CCSER1: variants seen among roughly 807,000 people sequenced by gnomAD.
CCSER1 encodes coiled-coil serine rich protein 1.
CCSER1 carries 41 observed loss-of-function variants against 82.0 expected under a neutral mutation model. That is an observed-to-expected ratio of 0.50 (90% CI 0.39 to 0.65). CCSER1 has a LOEUF of 0.65. Ranked by LOEUF, CCSER1 falls within the 30% of genes least tolerant of loss-of-function variation. CCSER1 has a pLI of 0.00. For missense variants in CCSER1, 1,119 were observed against 1,064.2 expected (o/e 1.05, Z -0.72); for synonymous variants, 414 against 383.9 (o/e 1.08, Z -0.92).
intron 8 of CCSER1, among the ~76,000 whole-genome samples, chr4:90,884,343 G>A (rs1251209976): frequency 6.6e-6 from 1 of 152,082 alleles, no homozygotes; most frequent in Admixed American, 6.5e-5. Context: ...CCATTTAGGG[G>A]CAACAGGAAG....
At chr4:90,168,303 C>T (rs971508298) in intron 1 of CCSER1, among the ~76,000 whole-genome samples, 6 of 151,946 alleles carry the variant, frequency 3.9e-5, no homozygotes, top group Admixed American at 3.9e-4. Context: ...ATATCCTTTG[C>T]CCACTTTTTG....
chr4:90,394,404 G>A lies in CCSER1; in HGVS notation c.1510-5632G>A, dbSNP rs138766304. On this transcript the variant is annotated intron_variant, in intron 3 of 10. Transcript: ENST00000509176. ...AATGCCTCTTGATATCAAGTCATTT[G>A]GGAGATTACATGAGTAGTCAGTATG... Among the ~76,000 whole-genome samples the A allele has an allele frequency of 1.4e-3, 218 of 152,162 alleles. 1 individual carries two copies. Among genetic ancestry groups the A allele is most frequent in the African/African-American group, 5.1e-3 (211 of 41,516 alleles).
At chr4:90,277,318 C>T (rs988136235) in intron 1 of CCSER1, among the ~76,000 whole-genome samples, 55 of 152,112 alleles carry the variant, frequency 3.6e-4, no homozygotes, top group African/African-American at 1.2e-3. Flanking sequence ...TTCTGAAATT[C>T]ACATGAAGTT....
At chr4:90,256,192 A>G (rs769217064) in intron 1 of CCSER1, among the ~76,000 whole-genome samples, 38 of 152,270 alleles carry the variant, frequency 2.5e-4, no homozygotes, top group Middle Eastern at 6.8e-3. Flanking sequence ...GGAGGAGCCA[A>G]TTCCTATAGT....
chr4:90,455,924 T>C (rs950647770), intron 4 of CCSER1, among the ~76,000 whole-genome samples: 2 of 152,152 alleles, frequency 1.3e-5, no homozygotes, highest in East Asian at 3.9e-4. Flanking sequence ...TTTTTCTTTC[T>C]AGGGCCTCAA....
chr4:91,010,882 T>G (rs572241678), intron 9 of CCSER1, among the ~76,000 whole-genome samples: 5 of 134,930 alleles, frequency 3.7e-5, no homozygotes, highest in African/African-American at 7.4e-5. Context: ...CTTAAGATCA[T>G]GATTTTGAAT....
chr4:91,309,198 C>T (rs746440869), intron 10 of CCSER1, among the ~76,000 whole-genome samples: 3 of 152,054 alleles, frequency 2.0e-5, no homozygotes, highest in Non-Finnish European at 4.4e-5. Context: ...TTTACAACCA[C>T]CTGTCCAGAC....
chr4:90,727,132 C>T (rs1026331151), intron 7 of CCSER1: 1 of 417,924 alleles, frequency 2.4e-6, no homozygotes, highest in Non-Finnish European at 4.7e-6. Context: ...CCTTTATAAA[C>T]TATTGTTATG....
At chr4:90,203,670 A>C (rs1169808075) in intron 1 of CCSER1, among the ~76,000 whole-genome samples, 1 of 152,174 alleles carries the variant, frequency 6.6e-6, no homozygotes, top group Admixed American at 6.5e-5. Context: ...GTGCATGTGT[A>C]TGTATAGTAG....
chr4:90,727,020 C>G (rs1322446416), intron 7 of CCSER1, among the ~76,000 whole-genome samples: 1 of 152,146 alleles, frequency 6.6e-6, no homozygotes. Flanking sequence ...ATATACTACA[C>G]ATAATAAACT....
chr4:90,282,307 C>T (rs1054755097), intron 1 of CCSER1, among the ~76,000 whole-genome samples: 3 of 151,806 alleles, frequency 2.0e-5, no homozygotes, highest in Non-Finnish European at 4.4e-5. Context: ...ACATCATATA[C>T]CATGTTATTT....
At chr4:90,682,147 G>T (rs1733999925) in intron 6 of CCSER1, among the ~76,000 whole-genome samples, 1 of 151,472 alleles carries the variant, frequency 6.6e-6, no homozygotes, top group African/African-American at 2.4e-5. Context: ...CATGGTGTAG[G>T]TAAATCATCT....
chr4:91,321,066 T>C (rs533775583), intron 10 of CCSER1, among the ~76,000 whole-genome samples: 1 of 152,230 alleles, frequency 6.6e-6, no homozygotes, highest in South Asian at 2.1e-4. Flanking sequence ...AACTTCTTCC[T>C]GTTATTTTAT....
rs1286549166 is a variant in CCSER1 at position 90,196,826 on chromosome 4, CA to C, written c.-42+68997del. Among the ~76,000 whole-genome samples the C allele has an allele frequency of 4.6e-5, 7 of 152,150 alleles. No homozygotes were observed. The South Asian group carries it at 8.3e-4, about 18-fold the overall frequency. On this transcript the variant is annotated intron_variant, in intron 1 of 10. Transcript: ENST00000509176. Reference sequence around the variant, plus strand: ...ATATAACTATTAGGGATAGGAAAAGCAAGTGTTTTTGCTACTCTCCCGAACA... The same window carrying C: ...ATATAACTATTAGGGATAGGAAAAGCAGTGTTTTTGCTACTCTCCCGAACA...
chr4:91,282,887 G>T (rs1743023396), intron 10 of CCSER1, among the ~76,000 whole-genome samples: 1 of 152,012 alleles, frequency 6.6e-6, no homozygotes, highest in Admixed American at 6.6e-5. Flanking sequence ...ATCCTAAAAA[G>T]AATTTTTCTG....
chr4:90,264,393 C>T (rs528761635), intron 1 of CCSER1, among the ~76,000 whole-genome samples: 4 of 152,234 alleles, frequency 2.6e-5, no homozygotes, highest in South Asian at 2.1e-4. Context: ...TGATATCTAT[C>T]GAGTCAGTCT....
intron 10 of CCSER1, among the ~76,000 whole-genome samples, chr4:91,255,296 C>T (rs1740599495): frequency 6.6e-6 from 1 of 152,120 alleles, no homozygotes. Context: ...TCACAGACCT[C>T]TTATAACCAT....
intron 10 of CCSER1, among the ~76,000 whole-genome samples, chr4:91,360,053 A>G (rs990700926): frequency 6.6e-6 from 1 of 151,882 alleles, no homozygotes; most frequent in Non-Finnish European, 1.5e-5. Flanking sequence ...TCATCCCACA[A>G]TCCAAGCTAT....
At chr4:90,597,085 A>G (rs1783430187) in intron 5 of CCSER1, among the ~76,000 whole-genome samples, 1 of 152,020 alleles carries the variant, frequency 6.6e-6, no homozygotes, top group South Asian at 2.1e-4. Context: ...TATAAAATGT[A>G]ACGTATATTT....
Sources: gnomAD v4.1 joint callset for allele counts (sites outside exome capture counted in the v4.1 genomes callset) on GRCh38, gnomAD v4.1.1 for gene constraint, MANE v1.5 for transcripts, NCBI Gene and HGNC (gene_info 2026-07-23, HGNC 2026-07-21) for gene names.